Variants in SLC7A14 observed in about 807,000 individuals in gnomAD.
SLC7A14 encodes solute carrier family 7 member 14.
Under a neutral mutation model 60.2 loss-of-function variants are expected in SLC7A14, and 37 were observed. The observed-to-expected ratio is 0.61, with a 90% CI of 0.47 to 0.81. The LOEUF (loss-of-function observed/expected upper bound fraction) is 0.81, where lower values mean the gene tolerates loss of function less well. Among genes scored for constraint, SLC7A14 ranks in the 30% least tolerant of loss-of-function variants. The pLI is 0.00. For missense variants in SLC7A14, 886 were observed against 982.7 expected, an observed-to-expected ratio of 0.90 and a Z score of 1.32; for synonymous variants, 399 against 395.8, an observed-to-expected ratio of 1.01 and a Z score of -0.10.
At chr3:170,489,131 T>G (rs1052696841) in intron 4 of SLC7A14, among the ~76,000 whole-genome samples, 1 of 152,190 alleles carries the variant, frequency 6.6e-6, no homozygotes, top group Non-Finnish European at 1.5e-5. Flanking sequence ...GTTAAAAAGC[T>G]TCTGCACAGC....
chr3:170,493,545 G>T (rs983473044), intron 4 of SLC7A14, among the ~76,000 whole-genome samples: 7 of 152,312 alleles, frequency 4.6e-5, no homozygotes, highest in African/African-American at 1.4e-4. Context: ...CTAGTCAGGG[G>T]TAGAGGTAAG....
intron 5 of SLC7A14, 125 bp from the exon 6 acceptor site, chr3:170,483,647 C>T (rs1711920784): frequency 2.1e-6 from 2 of 962,286 alleles, no homozygotes; most frequent in Non-Finnish European, 3.2e-6. Flanking sequence ...TGGATCCATT[C>T]ACTTGCTGGC....
chr3:170,485,149 G>A (rs928844429), intron 5 of SLC7A14, among the ~76,000 whole-genome samples: 3 of 152,118 alleles, frequency 2.0e-5, no homozygotes, highest in African/African-American at 7.2e-5. Flanking sequence ...GTATGGACAC[G>A]ATGAAACCCC....
chr3:170,557,054 A>T (rs891301555), intron 1 of SLC7A14, among the ~76,000 whole-genome samples: 2 of 152,180 alleles, frequency 1.3e-5, no homozygotes, highest in Non-Finnish European at 2.9e-5. Flanking sequence ...AATCAGTCAG[A>T]GGGCAGATCA....
intron 2 of SLC7A14, among the ~76,000 whole-genome samples, chr3:170,518,400 C>T (rs1713237924): frequency 6.6e-6 from 1 of 152,136 alleles, no homozygotes; most frequent in Non-Finnish European, 1.5e-5. Context: ...GCCTTTCTTG[C>T]CCTCCCTCCT....
At position 170,501,430 on chromosome 3, in the gene SLC7A14, G is replaced by A. The variant is rs968758553; in HGVS notation, c.305-85C>T. 10 of 1,120,490 alleles carry A rather than the reference G, an allele frequency of 8.9e-6. No individual in the cohort carries two copies. In the African/African-American group the frequency reaches 1.1e-4, roughly 12 times the overall value. 69.4% of individuals were successfully genotyped at this position (1,120,490 alleles called of 1,614,324 possible). A position where few individuals can be genotyped will look rare whatever the true frequency, so the allele number is the denominator to read the frequency against. On this transcript the variant is annotated intron_variant, in intron 2 of 7. Coordinates refer to ENST00000231706, the MANE Select transcript of SLC7A14 (RefSeq NM_020949.3). ...CCAACAATCTTGGGTGGAACATACT[G>A]AGACTTTCTAGGATCTCAGAACAAA...
At chr3:170,523,557 C>G (rs1713403699) in intron 2 of SLC7A14, among the ~76,000 whole-genome samples, 1 of 152,154 alleles carries the variant, frequency 6.6e-6, no homozygotes, top group African/African-American at 2.4e-5. Flanking sequence ...TTTTCTCCCT[C>G]TGCTTGGAAA....
At chr3:170,509,876 C>T (rs1176473155) in intron 2 of SLC7A14, among the ~76,000 whole-genome samples, 3 of 151,458 alleles carry the variant, frequency 2.0e-5, no homozygotes, top group East Asian at 1.9e-4. Flanking sequence ...GTCGGGAGTT[C>T]GAGACCAGCC....
chr3:170,509,121 A>G (rs1404469359), intron 2 of SLC7A14, among the ~76,000 whole-genome samples: 1 of 152,144 alleles, frequency 6.6e-6, no homozygotes, highest in Non-Finnish European at 1.5e-5. Context: ...TGTCTCTTCT[A>G]CTTGAGCAAC....
chr3:170,483,660 G>A (rs1444221080), intron 5 of SLC7A14, 138 bp from the exon 6 acceptor site: 5 of 856,460 alleles, frequency 5.8e-6, no homozygotes, highest in Non-Finnish European at 7.4e-6. Flanking sequence ...TTGCTGGCAT[G>A]TGCCTTTACT....
intron 1 of SLC7A14, among the ~76,000 whole-genome samples, chr3:170,539,676 C>T (rs7622296): frequency 0.041 from 6,229 of 152,216 alleles, 393 homozygotes; most frequent in African/African-American, 0.14. Flanking sequence ...TAAAAATCCT[C>T]TTATATTCAT....
At chr3:170,562,710 T>C (rs1714687787) in intron 1 of SLC7A14, among the ~76,000 whole-genome samples, 1 of 152,192 alleles carries the variant, frequency 6.6e-6, no homozygotes, top group Admixed American at 6.5e-5. Flanking sequence ...CCCAATGCTC[T>C]GTCATTGTTT....
At chr3:170,581,931 C>A (rs1224405161) in intron 1 of SLC7A14, among the ~76,000 whole-genome samples, 1 of 152,090 alleles carries the variant, frequency 6.6e-6, no homozygotes, top group Non-Finnish European at 1.5e-5. Flanking sequence ...ACAAGATAAA[C>A]ACACACACAT....
intron 2 of SLC7A14, among the ~76,000 whole-genome samples, chr3:170,525,485 A>C (rs1025136412): frequency 6.6e-6 from 1 of 152,252 alleles, no homozygotes; most frequent in Non-Finnish European, 1.5e-5. Flanking sequence ...TGATTCTCAC[A>C]AGGGCTTTAA....
chr3:170,514,838 C>T (rs1383725854), intron 2 of SLC7A14, among the ~76,000 whole-genome samples: 2 of 152,174 alleles, frequency 1.3e-5, no homozygotes, highest in Non-Finnish European at 1.5e-5. Context: ...ATAATACAAA[C>T]ATTACTGAGC....
intron 1 of SLC7A14, among the ~76,000 whole-genome samples, chr3:170,558,384 A>G (rs1347895891): frequency 6.6e-6 from 1 of 152,166 alleles, no homozygotes; most frequent in East Asian, 1.9e-4. Context: ...ACTTCCTTTC[A>G]AAAAATAAAA....
chr3:170,553,559 C>T (rs1714407565), intron 1 of SLC7A14, among the ~76,000 whole-genome samples: 3 of 152,190 alleles, frequency 2.0e-5, no homozygotes, highest in South Asian at 4.2e-4. Context: ...GCTTTTTTGT[C>T]CAAAAGGAAA....
intron 3 of SLC7A14, among the ~76,000 whole-genome samples, chr3:170,499,236 C>CAAAAAAAAAAAAAAAA (rs11336080): frequency 5.0e-4 from 30 of 59,918 alleles, no homozygotes; most frequent in African/African-American, 2.8e-3. Context: ...GACTCTGTCT[C>CAAAAAAAAAAAAAAAA]AAAAAAAAAA....
chr3:170,496,373 C>T (rs1712394419), intron 4 of SLC7A14: 1 of 1,412,182 alleles, frequency 7.1e-7, no homozygotes, highest in Non-Finnish European at 1.0e-6. Flanking sequence ...ACCGGAACAT[C>T]AGCCGGCTCC....
Sources: allele counts gnomAD v4.1 joint callset (sites outside exome capture counted in the v4.1 genomes callset), GRCh38; gene constraint gnomAD v4.1.1; transcripts MANE v1.5; gene names NCBI Gene and HGNC (gene_info 2026-07-23, HGNC 2026-07-21).